Variants in MKNK1 observed in about 807,000 individuals in gnomAD.
MKNK1 encodes MAP kinase-interacting serine/threonine-protein kinase 1.
In MKNK1, 30 loss-of-function variants were observed where a neutral mutation model predicts 49.3. The observed-to-expected ratio is 0.61, with a 90% CI of 0.46 to 0.83. MKNK1 has a LOEUF of 0.83. MKNK1 is among the 40% of genes least tolerant of loss of function. MKNK1 has a pLI of 0.00. For synonymous variants in MKNK1, 176 were observed against 201.7 expected (o/e 0.87, Z 1.08); for missense variants, 423 against 524.7 (o/e 0.81, Z 1.89).
At chr1:46,588,786 C>A (rs1487357725) in intron 2 of MKNK1, among the ~76,000 whole-genome samples, 1 of 144,982 alleles carries the variant, frequency 6.9e-6, no homozygotes, top group Non-Finnish European at 1.5e-5. Flanking sequence ...CCAGCCTGGG[C>A]GACAGAGCGA....
intron 7 of MKNK1, chr1:46,568,928 T>A (rs1269159250): frequency 3.2e-5 from 5 of 154,706 alleles, no homozygotes; most frequent in East Asian, 1.9e-4. Context: ...GTGGCCGATT[T>A]AAAAAAAAAA....
chr1:46,589,290 C>T lies in MKNK1; in HGVS notation c.-3+4823G>A, dbSNP rs1673033148. On this transcript the variant is annotated intron_variant, in intron 2 of 12. Coordinates refer to ENST00000371945, the MANE Select transcript of MKNK1 (RefSeq NM_001135553.4). The surrounding 1 kb of genome is among the most constrained non-coding windows in gnomAD (Gnocchi z 4.3). ...TAACTAGAGGAAGACACAGCTAAGC[C>T]TCAATACCTGAGGGATGAGTGGGAC... Among the ~76,000 whole-genome samples, 1 of 152,158 alleles carries T rather than the reference C, an allele frequency of 6.6e-6. No individual in the cohort carries two copies. The highest frequency in any genetic ancestry group is 6.5e-5 in the Admixed American group (1 of 15,272).
rs776548577 is a variant in MKNK1 at position 46,562,697 on chromosome 1, G to A, written c.756C>T (p.Cys252=). The change falls in exon 10 of 13, where the codon TGC becomes TGT. Residue 252 remains cysteine (C), a synonymous_variant. Transcript: ENST00000371945. ...CCCGGTCCCAGCCACAGTCGGCCCC[G>A]CAGTGACCCACGAAGGGTGGGTAGC... ...LSGYPPFVGH[C]GADCGWDRGE... 1.1e-5 allele frequency: 17 copies of A among 1,573,166 alleles called. No homozygotes were observed. Among genetic ancestry groups the A allele is most frequent in the Middle Eastern group, 1.7e-4 (1 of 5,984 alleles).
chr1:46,582,871 A>T (rs771447938), intron 3 of MKNK1: 1 of 485,708 alleles, frequency 2.1e-6, no homozygotes, highest in South Asian at 1.5e-5. Context: ...TTCCTCTTAT[A>T]TAGTTCTATC....
At chr1:46,595,983 C>T (rs9804165) in intron 1 of MKNK1, among the ~76,000 whole-genome samples, 5 of 152,008 alleles carry the variant, frequency 3.3e-5, no homozygotes, top group Non-Finnish European at 5.9e-5. Context: ...CCTGAGCTCA[C>T]GTGATTTGCC....
intron 1 of MKNK1, among the ~76,000 whole-genome samples, chr1:46,601,491 T>C (rs779518678): frequency 1.3e-5 from 2 of 152,240 alleles, no homozygotes; most frequent in Non-Finnish European, 2.9e-5. Flanking sequence ...TGAACTGTAC[T>C]ATTAATACAC....
In MKNK1 at chr1:46,574,984, G is replaced by T. The variant is rs186077384; in HGVS notation, c.315C>A (p.Asp105Glu). 19 of 1,613,394 alleles carry T rather than the reference G, an allele frequency of 1.2e-5. No individual in the cohort carries two copies. The East Asian group carries it at 4.2e-4, about 36-fold the overall frequency. The stretch of plus-strand genomic sequence containing the variant: ...TCTCAAAGACCAAGTAAAACCTTGT[G>T]TCATCTTCAAAGAACTCAATCAGCT... ...ILELIEFFED[D>E]TRFYLVFEKL... The change falls in exon 6 of 13, where the codon GAC becomes GAA. Residue 105 changes from aspartate (D) to glutamate (E), a missense_variant. Physicochemically the swap from Asp to Glu is conservative, Grantham distance 45. Coordinates refer to ENST00000371945, the MANE Select transcript of MKNK1 (RefSeq NM_001135553.4).
chr1:46,573,777 A>G (rs1314015280), intron 6 of MKNK1: 8 of 147,148 alleles, frequency 5.4e-5, no homozygotes, highest in African/African-American at 1.5e-4. Context: ...TCTGTTGCCC[A>G]GGCTGGAGTG....
At chr1:46,602,921 C>T (rs1557906598) in intron 1 of MKNK1, among the ~76,000 whole-genome samples, 1 of 152,204 alleles carries the variant, frequency 6.6e-6, no homozygotes, top group Admixed American at 6.5e-5. Context: ...ACGTGCTGGG[C>T]TCTGACAGCT....
At chr1:46,597,409 CT>C (rs1674223276) in intron 1 of MKNK1, among the ~76,000 whole-genome samples, 1 of 152,132 alleles carries the variant, frequency 6.6e-6, no homozygotes, top group Non-Finnish European at 1.5e-5. Context: ...TATGGCATCT[CT>C]ACCCTTGGTC....
chr1:46,581,006 G>T (rs1432491206), intron 3 of MKNK1, among the ~76,000 whole-genome samples: 1 of 152,148 alleles, frequency 6.6e-6, no homozygotes, highest in Non-Finnish European at 1.5e-5. Context: ...AGGATTGCTT[G>T]AGGCCAGGAG....
intron 2 of MKNK1, among the ~76,000 whole-genome samples, chr1:46,588,603 C>A (rs533799035): frequency 6.6e-6 from 1 of 151,994 alleles, no homozygotes; most frequent in Admixed American, 6.6e-5. Flanking sequence ...GTCAGGAGAT[C>A]GAGACCATCT....
chr1:46,563,161 T>G, intron 9 of MKNK1: 1 of 281,266 alleles, frequency 3.6e-6, no homozygotes, highest in Non-Finnish European at 6.6e-6. Flanking sequence ...AACAGATATT[T>G]CATGTACAGG....
Position 46,562,705 on chromosome 1 carries a change from C to T in MKNK1, c.748G>A (p.Gly250Ser). 6.3e-7 allele frequency: 1 copy of T among 1,580,134 alleles called. No individual in the cohort carries two copies. Among genetic ancestry groups the T allele is most frequent in the Non-Finnish European group, 8.6e-7 (1 of 1,161,844 alleles). Residue 250 changes from glycine (G) to serine (S), a missense_variant, in exon 10 of 13, where the codon GGT becomes AGT. Coordinates refer to ENST00000371945, the MANE Select transcript of MKNK1 (RefSeq NM_001135553.4). Reference sequence around the variant, plus strand: ...CAGCCACAGTCGGCCCCGCAGTGACCCACGAAGGGTGGGTAGCCACTCAGC... The same window carrying T: ...CAGCCACAGTCGGCCCCGCAGTGACTCACGAAGGGTGGGTAGCCACTCAGC... ...IMLSGYPPFV[G>S]HCGADCGWDR...
intron 2 of MKNK1, among the ~76,000 whole-genome samples, chr1:46,586,832 G>A (rs1367044988): frequency 6.6e-6 from 1 of 152,090 alleles, no homozygotes; most frequent in Non-Finnish European, 1.5e-5. Flanking sequence ...TTCTTTTTGA[G>A]ATGGAGTCTT....
intron 2 of MKNK1, chr1:46,584,706 A>G (rs1033316278): frequency 6.6e-6 from 1 of 152,204 alleles, no homozygotes; most frequent in Non-Finnish European, 1.5e-5. Context: ...GAGAGCACAC[A>G]GGATGGCACT....
intron 7 of MKNK1, chr1:46,571,286 G>A (rs1490989549): frequency 4.7e-6 from 1 of 212,472 alleles, no homozygotes; most frequent in South Asian, 5.4e-5. Flanking sequence ...ACTCACACCT[G>A]TAATCCCAGC....
At chr1:46,559,539 T>C (rs189104678) in intron 12 of MKNK1, 181 of 153,506 alleles carry the variant, frequency 1.2e-3, no homozygotes, top group Non-Finnish European at 2.1e-3. Flanking sequence ...GTTAACTTGA[T>C]TGCCACTCCT....
chr1:46,598,857 C>A (rs746737796), intron 1 of MKNK1, among the ~76,000 whole-genome samples: 1 of 152,174 alleles, frequency 6.6e-6, no homozygotes, highest in Non-Finnish European at 1.5e-5. Flanking sequence ...TGTTTATATT[C>A]TCAGTTCTTC....
Sources: gnomAD v4.1 joint callset for allele counts (sites outside exome capture counted in the v4.1 genomes callset) on GRCh38, gnomAD v4.1.1 for gene constraint, Gnocchi (gnomAD v3.1) non-coding constraint, MANE v1.5 for transcripts, NCBI Gene and HGNC (gene_info 2026-07-23, HGNC 2026-07-21) for gene names.